Variants in OLFM2 observed in about 807,000 individuals in gnomAD.
OLFM2 encodes olfactomedin 2, also known as noelin-2.
A neutral mutation model predicts 43.9 loss-of-function variants in OLFM2; 20 were observed. The ratio of observed to expected loss-of-function variants is 0.46; its 90% CI spans 0.32 to 0.66. The LOEUF is 0.66. Among genes scored for constraint, OLFM2 ranks in the 30% least tolerant of loss-of-function variants. The pLI, the probability that OLFM2 is intolerant of heterozygous loss-of-function variation, is 0.04. For missense variants in OLFM2, 416 were observed against 643.6 expected, an observed-to-expected ratio of 0.65 and a Z score of 3.83; for synonymous variants, 268 against 278.6, an observed-to-expected ratio of 0.96 and a Z score of 0.38.
At chr19:9,900,945 G>GAA (rs1277229827) in intron 1 of OLFM2, among the ~76,000 whole-genome samples, 2 of 18,942 alleles carry the variant, frequency 1.1e-4, no homozygotes, top group African/African-American at 5.0e-4. Flanking sequence ...GGGAGGGAAG[G>GAA]GGAAGGAAGG....
At chr19:9,886,012 G>A (rs1174767708) in intron 1 of OLFM2, among the ~76,000 whole-genome samples, 2 of 151,612 alleles carry the variant, frequency 1.3e-5, no homozygotes, top group African/African-American at 4.8e-5. Flanking sequence ...TGGGAGGATT[G>A]CTAGAGCCCA....
intron 1 of OLFM2, among the ~76,000 whole-genome samples, chr19:9,894,725 T>TA (rs891300669): frequency 4.0e-5 from 6 of 151,802 alleles, no homozygotes; most frequent in African/African-American, 1.2e-4. Context: ...AATAAAAAAT[T>TA]AAAAAAATAC....
intron 2 of OLFM2, among the ~76,000 whole-genome samples, chr19:9,860,106 C>T (rs2046355737): frequency 6.6e-6 from 1 of 151,084 alleles, no homozygotes; most frequent in South Asian, 2.1e-4. Flanking sequence ...CGCGCCACTG[C>T]ACCTGCACTC....
At chr19:9,864,332 G>T (rs1010559354) in intron 1 of OLFM2, among the ~76,000 whole-genome samples, 1 of 152,026 alleles carries the variant, frequency 6.6e-6, no homozygotes, top group Admixed American at 6.6e-5. Context: ...ACAGACTCTC[G>T]CTGTGTCTCC....
Position 9,936,483 on chromosome 19 carries a change from C to T in OLFM2, c.-117G>A. ...CCGGGGCGACCCTGCGCCGCCGCCT[C>T]CCCCGCCTCGCCGGCGGCCGGGATT... is the stretch of plus-strand genomic sequence containing the variant. On this transcript the variant is annotated 5_prime_UTR_variant, in exon 1 of 6. Transcript: ENST00000264833. 1.4e-6 allele frequency: 1 copy of T among 725,560 alleles called. No homozygotes were observed. The highest frequency in any genetic ancestry group is 1.7e-6 in the Non-Finnish European group (1 of 591,734). The allele number at this position is 725,560 out of a possible 1,614,324, so 44.9% of individuals were successfully genotyped here.
At chr19:9,860,550 G>C (rs2046358893) in intron 2 of OLFM2, 95 bp downstream of exon 2, 3 of 1,355,900 alleles carry the variant, frequency 2.2e-6, no homozygotes, top group African/African-American at 2.9e-5. Context: ...TGCATAGCTG[G>C]ATATGGCCAC....
rs1335509006 is a variant in OLFM2 at position 9,888,911 on chromosome 19, A to AC, written c.64-28118_64-28117insG. Among the ~76,000 whole-genome samples, 3 of 151,744 alleles carry AC rather than the reference A, an allele frequency of 2.0e-5. No homozygotes were observed. In the East Asian group the frequency reaches 5.9e-4, roughly 30 times the overall value. On this transcript the variant is annotated intron_variant, in intron 1 of 5. Coordinates refer to ENST00000264833, the MANE Select transcript of OLFM2 (RefSeq NM_058164.4). The stretch of plus-strand genomic sequence containing the variant: ...GAAACCCCGTCTCTACTAAAAATGT[A>AC]AAAAATTAGCCGGGCATGGTGGCGG...
intron 1 of OLFM2, among the ~76,000 whole-genome samples, chr19:9,933,521 A>C (rs994253517): frequency 1.4e-5 from 2 of 143,358 alleles, no homozygotes; most frequent in Non-Finnish European, 3.0e-5. Flanking sequence ...TACAGGCGTG[A>C]GCCTCCATGC....
intron 1 of OLFM2, among the ~76,000 whole-genome samples, chr19:9,861,892 C>T (rs961435694): frequency 1.2e-4 from 18 of 152,142 alleles, no homozygotes; most frequent in South Asian, 2.1e-4. Flanking sequence ...TGGTGGCGGG[C>T]ACCTGTAATC....
At chr19:9,894,938 G>T (rs1870911726) in intron 1 of OLFM2, among the ~76,000 whole-genome samples, 1 of 151,856 alleles carries the variant, frequency 6.6e-6, no homozygotes, top group South Asian at 2.1e-4. Context: ...ATATCTCTAA[G>T]GCATCTCAAG....
At chr19:9,859,809 C>G (rs752028656) in intron 2 of OLFM2, among the ~76,000 whole-genome samples, 4 of 152,180 alleles carry the variant, frequency 2.6e-5, no homozygotes, top group African/African-American at 7.2e-5. Flanking sequence ...TCCTTCCCCC[C>G]ACCCCAATCC....
At chr19:9,914,015 CT>C (rs2046854619) in intron 1 of OLFM2, among the ~76,000 whole-genome samples, 3 of 150,002 alleles carry the variant, frequency 2.0e-5, no homozygotes. Flanking sequence ...GGACCTCCCC[CT>C]GGTGGCATTC....
intron 1 of OLFM2, among the ~76,000 whole-genome samples, chr19:9,919,174 C>CTTTTTTTTTT (rs201501920): frequency 7.3e-5 from 9 of 123,148 alleles, no homozygotes; most frequent in African/African-American, 2.7e-4. Flanking sequence ...TCATTTCTCT[C>CTTTTTTTTTT]TCTTTTTTTT....
At chr19:9,894,326 G>A (rs1181634095) in intron 1 of OLFM2, among the ~76,000 whole-genome samples, 5 of 150,422 alleles carry the variant, frequency 3.3e-5, no homozygotes, top group East Asian at 3.9e-4. Flanking sequence ...CAGTGAAACC[G>A]GGATGGTGTC....
chr19:9,867,322 G>A (rs563205267), intron 1 of OLFM2, among the ~76,000 whole-genome samples: 1 of 152,150 alleles, frequency 6.6e-6, no homozygotes, highest in Non-Finnish European at 1.5e-5. Context: ...AGTGAGCCGA[G>A]ATCGTGCCAT....
chr19:9,866,497 C>CTTTTT lies in OLFM2; in HGVS notation c.64-5708_64-5704dup, dbSNP rs35368530. On this transcript the variant is annotated intron_variant, in intron 1 of 5. Coordinates refer to ENST00000264833, the MANE Select transcript of OLFM2 (RefSeq NM_058164.4). ...CAGATGTACTAAAGAAGCCAACCCA[C>CTTTTT]TTTTTTTTTTTTTTTTTTTTGAGAC... Among the ~76,000 whole-genome samples the CTTTTT allele has an allele frequency of 4.0e-5, 5 of 125,590 alleles. 1 individual carries two copies. Among genetic ancestry groups the CTTTTT allele is most frequent in the Non-Finnish European group, 3.3e-5 (2 of 61,320 alleles). The allele number at this position is 125,590 out of a possible 152,430, so 82.4% of individuals were successfully genotyped here.
chr19:9,926,503 G>T (rs1266962637), intron 1 of OLFM2, among the ~76,000 whole-genome samples: 2 of 152,134 alleles, frequency 1.3e-5, no homozygotes, highest in Non-Finnish European at 2.9e-5. Flanking sequence ...AGTGAGCTGA[G>T]ATCGCGCCAC....
intron 1 of OLFM2, among the ~76,000 whole-genome samples, chr19:9,892,894 G>C (rs757666696): frequency 7.2e-5 from 11 of 152,156 alleles, no homozygotes; most frequent in Non-Finnish European, 1.5e-4. Context: ...GTTCTGGTCT[G>C]ATCTGTCTCA....
intron 1 of OLFM2, among the ~76,000 whole-genome samples, chr19:9,896,091 A>ATTTTTTTTTTTTT (rs71188854): frequency 1.0e-5 from 1 of 95,786 alleles, no homozygotes; most frequent in African/African-American, 4.0e-5. Flanking sequence ...CTTTATTTTA[A>ATTTTTTTTTTTTT]TTTTTTTTTT....
Sources: gnomAD v4.1 joint callset for allele counts (sites outside exome capture counted in the v4.1 genomes callset) on GRCh38, gnomAD v4.1.1 for gene constraint, MANE v1.5 for transcripts, NCBI Gene and HGNC (gene_info 2026-07-23, HGNC 2026-07-21) for gene names.